The following NUP107 variants were observed in gnomAD, a reference collection of about 807,000 sequenced individuals.
The protein encoded by NUP107 is nucleoporin 107.
A neutral mutation model predicts 141.0 loss-of-function variants in NUP107; 101 were observed. The ratio of observed to expected loss-of-function variants is 0.72; its 90% CI spans 0.61 to 0.84. The LOEUF is 0.84. Ranked by LOEUF, NUP107 falls within the 40% of genes least tolerant of loss-of-function variation. The pLI, the probability that NUP107 is intolerant of heterozygous loss-of-function variation, is 0.00. For synonymous variants in NUP107, 319 were observed against 363.9 expected (o/e 0.88, Z 1.41); for missense variants, 941 against 1,102.7 (o/e 0.85, Z 2.08).
In NUP107 at chr12:68,731,682, A is replaced by T; in HGVS notation, c.1961A>T (p.His654Leu). 1 of 1,587,660 alleles carries T rather than the reference A, an allele frequency of 6.3e-7. No homozygotes were observed. Among genetic ancestry groups the T allele is most frequent in the Non-Finnish European group, 8.5e-7 (1 of 1,172,480 alleles). The change falls in exon 22 of 28, where the codon CAT becomes CTT. Residue 654 changes from histidine to leucine, a missense_variant. His to Leu is a moderately conservative substitution (Grantham distance 99, BLOSUM62 -3). Transcript: ENST00000229179. ...RKKDNGEFSH[H>L]DLAPALDTGT... ...AAAGATAATGGTGAATTTAGTCATC[A>T]TGACCTGGCCCCAGCCCTAGATACT... is the stretch of plus-strand genomic sequence containing the variant.
intron 17 of NUP107, among the ~76,000 whole-genome samples, chr12:68,724,761 A>G (rs1877489650): frequency 6.6e-6 from 1 of 152,172 alleles, no homozygotes; most frequent in African/African-American, 2.4e-5. Flanking sequence ...AGCCTGGGCA[A>G]CAGAGTGAGA....
chr12:68,689,825 G>A, intron 3 of NUP107: 2 of 473,680 alleles, frequency 4.2e-6, no homozygotes, highest in South Asian at 3.0e-5. Flanking sequence ...CATGGGTATT[G>A]TTGGCCCTGT....
At chr12:68,700,966 A>G in intron 7 of NUP107, 113 bp downstream of exon 7, 1 of 1,026,216 alleles carries the variant, frequency 9.7e-7, no homozygotes, top group Non-Finnish European at 1.4e-6. Flanking sequence ...GCTATTTTTG[A>G]TGCTTATCAT....
At position 68,732,747 on chromosome 12, in the gene NUP107, A is replaced by G. The variant is rs762310412; in HGVS notation, c.2101+8A>G. 1 of 1,567,320 alleles carries G rather than the reference A, an allele frequency of 6.4e-7. No homozygotes were observed. The highest frequency in any genetic ancestry group is 8.8e-7 in the Non-Finnish European group (1 of 1,140,308). On this transcript the variant is annotated splice_region_variant and intron_variant, in intron 23 of 27. Transcript: ENST00000229179. Reference sequence around the variant, plus strand: ...TTATGAGAAAATTCTTGGGTATAGTATATTTTTATGCAGCTTCAAACTCCT... The same window carrying G: ...TTATGAGAAAATTCTTGGGTATAGTGTATTTTTATGCAGCTTCAAACTCCT...
Position 68,731,115 on chromosome 12 carries a change from A to C in NUP107, c.1740A>C (p.Leu580Phe). Residue 580 changes from leucine to phenylalanine, a missense_variant, in exon 21 of 28, where the codon TTA (leucine) becomes TTC (phenylalanine). Coordinates refer to ENST00000229179, the MANE Select transcript of NUP107 (RefSeq NM_020401.4). Reference sequence around the variant, plus strand: ...GATCTTTTTCTATTTTTTAGCTTTTAATAAGAGAGAAACATACAAATCTTA... The same window carrying C: ...GATCTTTTTCTATTTTTTAGCTTTTCATAAGAGAGAAACATACAAATCTTA... ...IEVLKTYIQLLIREKHTNLIA... is the reference protein window; with the variant it reads ...IEVLKTYIQLFIREKHTNLIA... The C allele has an allele frequency of 6.4e-7, 1 of 1,571,116 alleles. No homozygotes were observed.
intron 6 of NUP107, 92 bp downstream of exon 6, chr12:68,697,014 G>C: frequency 1.5e-6 from 1 of 679,576 alleles, no homozygotes; most frequent in Non-Finnish European, 2.4e-6. Flanking sequence ...TTTAAGGGAG[G>C]TGTCTTAGGG....
chr12:68,732,892 AGGCGG>A (rs1409157315), intron 23 of NUP107, 153 bp downstream of exon 23: 5 of 451,866 alleles, frequency 1.1e-5, no homozygotes, highest in African/African-American at 1.0e-4. Flanking sequence ...TATGTTGCCT[AGGCGG>A]GTCTCGAACT....
rs1178589251 is a variant in NUP107, at chr12:68,743,991, G to A, written c.*1529G>A. On this transcript the variant is annotated 3_prime_UTR_variant, in exon 28 of 28. Coordinates refer to ENST00000229179, the MANE Select transcript of NUP107 (RefSeq NM_020401.4). The stretch of plus-strand genomic sequence containing the variant: ...CAAAACAAATACAGACTAGATTTGG[G>A]GTGGGGAGGGGAAATAAGTGAGTCT... 1 of 152,184 alleles carries A rather than the reference G, an allele frequency of 6.6e-6. No individual in the cohort carries two copies. The highest frequency in any genetic ancestry group is 1.5e-5 in the Non-Finnish European group (1 of 68,032). The allele number at this position is 152,184 out of a possible 1,614,324, so 9.4% of individuals were successfully genotyped here.
intron 14 of NUP107, 30 bp downstream of exon 14, chr12:68,719,684 G>C (rs769362145): frequency 3.5e-6 from 5 of 1,441,698 alleles, no homozygotes; most frequent in Non-Finnish European, 4.9e-6. Context: ...CAGTGATACT[G>C]TTTTTAACTC....
At chr12:68,725,909 T>C in intron 18 of NUP107, 113 bp downstream of exon 18, 1 of 604,984 alleles carries the variant, frequency 1.7e-6, no homozygotes, top group Non-Finnish European at 2.9e-6. Context: ...CAGTCTCAGC[T>C]CACTGCAACC....
chr12:68,724,082 A>G (rs74103026), intron 17 of NUP107, among the ~76,000 whole-genome samples: 5,813 of 152,230 alleles, frequency 0.038, 359 homozygotes, highest in African/African-American at 0.13. Flanking sequence ...AAGCTCAGTA[A>G]GTTACTAGAA....
intron 6 of NUP107, among the ~76,000 whole-genome samples, chr12:68,700,226 A>G (rs181642875): frequency 1.2e-4 from 18 of 152,156 alleles, no homozygotes; most frequent in Admixed American, 8.5e-4. Context: ...TAAGACCACT[A>G]TTTTGGAATG....
chr12:68,712,762 T>A (rs1367501481), intron 10 of NUP107, among the ~76,000 whole-genome samples: 1 of 151,956 alleles, frequency 6.6e-6, no homozygotes, highest in Non-Finnish European at 1.5e-5. Flanking sequence ...TTCACACTGA[T>A]ATGGTCATTT....
intron 10 of NUP107, among the ~76,000 whole-genome samples, chr12:68,712,754 C>G (rs1051412807): frequency 7.3e-5 from 11 of 151,002 alleles, no homozygotes; most frequent in Admixed American, 2.6e-4. Flanking sequence ...ACAATAGATT[C>G]ACACTGATAT....
chr12:68,713,924 C>T (rs903942546), intron 11 of NUP107, 116 bp downstream of exon 11: 7 of 690,840 alleles, frequency 1.0e-5, no homozygotes, highest in Middle Eastern at 2.4e-4. Context: ...CACACACTAA[C>T]ATTTTACTCT....
At chr12:68,733,014 A>C (rs1877905600) in intron 23 of NUP107, among the ~76,000 whole-genome samples, 1 of 151,986 alleles carries the variant, frequency 6.6e-6, no homozygotes, top group African/African-American at 2.4e-5. Context: ...TTTTTGTTCA[A>C]ATTCGTGTAT....
rs754653027 is a variant in NUP107, at chr12:68,731,226, G to T, written c.1851G>T (p.Gln617His). 7 of 1,608,560 alleles carry T rather than the reference G, an allele frequency of 4.4e-6. No individual in the cohort carries two copies. The Admixed American group carries it at 1.2e-4, about 27-fold the overall frequency. The part of the protein sequence containing the change: ...LFLESVTEFE[Q>H]RHHCLELAKE... ...TGGAAAGTGTTACAGAATTTGAACA[G>T]CGCCACCATTGCCTGGAGTTGGCTA... Residue 617 changes from glutamine to histidine, a missense_variant, in exon 21 of 28, where the codon CAG (glutamine) becomes CAT (histidine). Coordinates refer to ENST00000229179, the MANE Select transcript of NUP107 (RefSeq NM_020401.4).
Position 68,732,686 on chromosome 12 carries a change from C to T in NUP107, c.2048C>T (p.Ala683Val), listed in dbSNP as rs769978762. The T allele has an allele frequency of 2.8e-5, 45 of 1,608,692 alleles. No individual in the cohort carries two copies. In the South Asian group the frequency reaches 3.2e-4, roughly 11 times the overall value. ...ATTGACTGGTTGGTATTTGACCCAG[C>T]GCAGAGGGCAGAAGCACTGAAACAA... is the stretch of plus-strand genomic sequence containing the variant. ...DVIDWLVFDP[A>V]QRAEALKQGN... The change falls in exon 23 of 28, where the codon GCG becomes GTG. Residue 683 changes from alanine (A) to valine (V), a missense_variant. By Grantham distance (64) the Ala-to-Val change is moderately conservative. Coordinates refer to ENST00000229179, the MANE Select transcript of NUP107 (RefSeq NM_020401.4).
intron 7 of NUP107, among the ~76,000 whole-genome samples, chr12:68,701,445 G>A (rs1015078738): frequency 6.6e-6 from 1 of 152,150 alleles, no homozygotes; most frequent in South Asian, 2.1e-4. Context: ...ACTTTGGGAG[G>A]CCAAGGTGGG....
Sources: gnomAD v4.1 joint callset for allele counts (sites outside exome capture counted in the v4.1 genomes callset) on GRCh38, gnomAD v4.1.1 for gene constraint, MANE v1.5 for transcripts, NCBI Gene and HGNC (gene_info 2026-07-23, HGNC 2026-07-21) for gene names.